AGBL4: variants seen among roughly 807,000 people sequenced by gnomAD.
AGBL4 encodes the protein AGBL carboxypeptidase 4.
Under a neutral mutation model 66.4 loss-of-function variants are expected in AGBL4, and 58 were observed. The ratio of observed to expected loss-of-function variants is 0.87; its 90% CI spans 0.71 to 1.09. AGBL4 has a LOEUF of 1.09. Among genes scored for constraint, AGBL4 ranks in the 50% least tolerant of loss-of-function variants. AGBL4 has a pLI of 0.00. For synonymous variants in AGBL4, 234 were observed against 222.9 expected (o/e 1.05, Z -0.44); for missense variants, 579 against 631.0 (o/e 0.92, Z 0.88).
chr1:48,747,718 T>C (rs1157938851), intron 6 of AGBL4, among the ~76,000 whole-genome samples: 1 of 152,194 alleles, frequency 6.6e-6, no homozygotes, highest in Non-Finnish European at 1.5e-5. Context: ...GGGCAACAAA[T>C]ACATGAAATT....
At chr1:48,661,954 T>C (rs566584014) in intron 7 of AGBL4, among the ~76,000 whole-genome samples, 14 of 152,262 alleles carry the variant, frequency 9.2e-5, no homozygotes, top group South Asian at 6.2e-4. Context: ...AAAGTGAGAA[T>C]GCTAAGGAGT....
At chr1:49,919,473 G>GCA in intron 1 of AGBL4, among the ~76,000 whole-genome samples, 1 of 152,106 alleles carries the variant, frequency 6.6e-6, no homozygotes, top group Non-Finnish European at 1.5e-5. Flanking sequence ...AATCATGAAT[G>GCA]AACTCCCATT....
At chr1:48,712,609 T>C (rs151020777) in intron 6 of AGBL4, among the ~76,000 whole-genome samples, 10 of 152,274 alleles carry the variant, frequency 6.6e-5, no homozygotes, top group African/African-American at 2.2e-4. Flanking sequence ...TTAAGGGACT[T>C]GCTCAGCTGC....
At chr1:48,843,768 G>A (rs1228415477) in intron 6 of AGBL4, among the ~76,000 whole-genome samples, 2 of 151,854 alleles carry the variant, frequency 1.3e-5, no homozygotes, top group African/African-American at 2.4e-5. Context: ...TGAGAAAACC[G>A]AGACTGAGAG....
intron 1 of AGBL4, among the ~76,000 whole-genome samples, chr1:49,874,979 C>G (rs571964213): frequency 3.0e-5 from 3 of 98,622 alleles, no homozygotes; most frequent in African/African-American, 1.2e-4. Flanking sequence ...TCCCCCCTCC[C>G]CCCACCCCAC....
intron 5 of AGBL4, among the ~76,000 whole-genome samples, chr1:48,965,799 T>C (rs1658372222): frequency 6.6e-6 from 1 of 152,192 alleles, no homozygotes; most frequent in Non-Finnish European, 1.5e-5. Flanking sequence ...CAGGCAAATA[T>C]AAGTAGGGGA....
At chr1:49,627,941 T>A (rs1645496144) in intron 3 of AGBL4, among the ~76,000 whole-genome samples, 1 of 152,176 alleles carries the variant, frequency 6.6e-6, no homozygotes, top group African/African-American at 2.4e-5. Context: ...TGACCTCTGA[T>A]CCGCTTTAAC....
intron 1 of AGBL4, among the ~76,000 whole-genome samples, chr1:49,875,210 G>C (rs1236021743): frequency 6.8e-6 from 1 of 147,950 alleles, no homozygotes; most frequent in South Asian, 2.2e-4. Context: ...CATTGTGCAG[G>C]TTAGTTACAT....
intron 6 of AGBL4, among the ~76,000 whole-genome samples, chr1:48,734,087 T>A (rs1400297072): frequency 6.6e-6 from 1 of 152,200 alleles, no homozygotes; most frequent in Non-Finnish European, 1.5e-5. Context: ...ATGGCCTTTT[T>A]CTCAGGGTGA....
chr1:49,846,158 G>A, intron 2 of AGBL4: 1 of 1,455,716 alleles, frequency 6.9e-7, no homozygotes, highest in African/African-American at 1.4e-5. Context: ...AAAGCCCTAT[G>A]GGTTCAATAA....
intron 3 of AGBL4, among the ~76,000 whole-genome samples, chr1:49,663,031 TAGAG>T (rs1278647658): frequency 6.6e-6 from 1 of 151,970 alleles, no homozygotes; most frequent in East Asian, 1.9e-4. Flanking sequence ...CCAAGTGAAA[TAGAG>T]AAAACTGTCA....
chr1:48,536,478 T>C (rs887403787), intron 12 of AGBL4, among the ~76,000 whole-genome samples: 1 of 152,218 alleles, frequency 6.6e-6, no homozygotes, highest in African/African-American at 2.4e-5. Context: ...GTTGAGTACT[T>C]ATACACTTTT....
At chr1:48,966,753 T>G (rs1362148726) in intron 5 of AGBL4, among the ~76,000 whole-genome samples, 1 of 151,984 alleles carries the variant, frequency 6.6e-6, no homozygotes, top group Non-Finnish European at 1.5e-5. Flanking sequence ...CAGCCAGGAA[T>G]AGAAGAGGAA....
At chr1:49,828,163 A>G (rs1645560632) in intron 2 of AGBL4, among the ~76,000 whole-genome samples, 1 of 152,184 alleles carries the variant, frequency 6.6e-6, no homozygotes, top group Non-Finnish European at 1.5e-5. Context: ...TTATCTTTGT[A>G]CCTTCAGTAT....
chr1:49,464,254 C>T lies in AGBL4; in HGVS notation c.283-218390G>A, dbSNP rs982888147. Among the ~76,000 whole-genome samples, 8 of 151,820 alleles carry T rather than the reference C, an allele frequency of 5.3e-5. No homozygotes were observed. The East Asian group carries it at 9.8e-4, about 19-fold the overall frequency. ...AATACCACTTGGCAATATATATACT[C>T]TCACTTGATTATGCTTAGACCTAAA... On this transcript the variant is annotated intron_variant, in intron 3 of 13. Transcript: ENST00000371839.
chr1:49,441,447 A>G (rs1646027799), intron 3 of AGBL4, among the ~76,000 whole-genome samples: 1 of 152,198 alleles, frequency 6.6e-6, no homozygotes, highest in African/African-American at 2.4e-5. Context: ...ACTGTGACCG[A>G]CCTGGAAATG....
chr1:48,580,327 T>C (rs1196521201), intron 11 of AGBL4, among the ~76,000 whole-genome samples: 1 of 152,188 alleles, frequency 6.6e-6, no homozygotes, highest in Non-Finnish European at 1.5e-5. Context: ...CCTAAGACCT[T>C]TCCTGTTCCT....
In AGBL4 at chr1:48,534,880, A is replaced by C; in HGVS notation, c.1391+10T>G. ...CTTACGGGCAATGTCATCTTGAAGC[A>C]GTTCCTTACCTTCTCTGGACTTCTA... is the stretch of plus-strand genomic sequence containing the variant. On this transcript the variant is annotated intron_variant, in intron 13 of 13. Coordinates refer to ENST00000371839, the MANE Select transcript of AGBL4 (RefSeq NM_032785.4). 16 of 1,551,268 alleles carry C rather than the reference A, an allele frequency of 1.0e-5. No individual in the cohort carries two copies. The highest frequency in any genetic ancestry group is 1.4e-5 in the Non-Finnish European group (16 of 1,146,618).
intron 3 of AGBL4, among the ~76,000 whole-genome samples, chr1:49,557,097 A>G (rs1643921578): frequency 6.6e-6 from 1 of 151,234 alleles, no homozygotes; most frequent in Non-Finnish European, 1.5e-5. Context: ...CTCCCTCCAC[A>G]CCTCCCCACA....
Sources: gnomAD v4.1 joint callset for allele counts (sites outside exome capture counted in the v4.1 genomes callset) on GRCh38, gnomAD v4.1.1 for gene constraint, MANE v1.5 for transcripts, NCBI Gene and HGNC (gene_info 2026-07-23, HGNC 2026-07-21) for gene names.